Variants in HACL2 observed in about 807,000 individuals in gnomAD.
The protein encoded by HACL2 is 2-hydroxyacyl-CoA lyase 2.
At chr19:15,123,211 G>A in the HACL2 span, 3 of 1,613,892 alleles carry the variant, frequency 1.9e-6, no homozygotes, top group East Asian at 2.2e-5. This position sits in a 1 kb window ranked among gnomAD's most constrained non-coding sequence, Gnocchi z 5.1. Flanking sequence ...GTGAGGCCAG[G>A]GCCTGCTGTC....
chr19:15,119,437 T>G, the HACL2 span: 1 of 1,614,128 alleles, frequency 6.2e-7, no homozygotes, highest in East Asian at 2.2e-5. Context: ...TCGGCAGACG[T>G]TGGGGTGAGC....
the HACL2 span, chr19:15,125,041 C>G: frequency 1.5e-5 from 24 of 1,557,156 alleles, no homozygotes; most frequent in African/African-American, 3.3e-4. Context: ...GCGGGGGCGG[C>G]GGCCGCGGGG....
the HACL2 span, chr19:15,115,629 G>C: frequency 1.2e-6 from 2 of 1,613,956 alleles, no homozygotes; most frequent in Non-Finnish European, 1.7e-6. Flanking sequence ...CGAGAAATCT[G>C]TGTCCAGCCA....
chr19:15,125,012 G>A, the HACL2 span: 12 of 1,587,340 alleles, frequency 7.6e-6, no homozygotes, highest in South Asian at 1.0e-4. Flanking sequence ...GGAGCAGGAA[G>A]GAGGGGAATA....
chr19:15,115,523 G>C, the HACL2 span: 14 of 1,602,482 alleles, frequency 8.7e-6, no homozygotes, highest in Non-Finnish European at 9.4e-6. Context: ...AGCTGGGACT[G>C]AAACAGCCTC....
the HACL2 span, among the ~76,000 whole-genome samples, chr19:15,120,806 G>T: frequency 1.3e-5 from 2 of 152,238 alleles, no homozygotes; most frequent in Middle Eastern, 6.8e-3. Context: ...GGGAAGCCCC[G>T]CAAGTAAAGA....
At chr19:15,122,768 T>C in the HACL2 span, 1 of 1,613,796 alleles carries the variant, frequency 6.2e-7, no homozygotes, top group South Asian at 1.1e-5. This position sits in a 1 kb window ranked among gnomAD's most constrained non-coding sequence, Gnocchi z 4.0. Flanking sequence ...GAAGTAGGGG[T>C]ACAGCACGTC....
chr19:15,125,429 A>C, the HACL2 span: 1 of 223,180 alleles, frequency 4.5e-6, no homozygotes, highest in Non-Finnish European at 8.9e-6. Context: ...CCACAACCGG[A>C]CCCCAAATCT....
the HACL2 span, chr19:15,123,679 G>A: frequency 4.6e-4 from 476 of 1,034,342 alleles, 6 homozygotes; most frequent in South Asian, 5.0e-3. This position sits in a 1 kb window ranked among gnomAD's most constrained non-coding sequence, Gnocchi z 5.1. Flanking sequence ...CAGGAGCAGG[G>A]TGAGAGGTCA....
the HACL2 span, chr19:15,115,843 C>G: frequency 6.2e-7 from 1 of 1,613,876 alleles, no homozygotes; most frequent in African/African-American, 1.3e-5. Flanking sequence ...CAGGCCAGCC[C>G]AGTCACCTTG....
the HACL2 span, chr19:15,117,066 C>T: frequency 1.1e-4 from 18 of 166,328 alleles, no homozygotes; most frequent in Admixed American, 7.4e-4. Context: ...CCACCCAGCC[C>T]CCTTCCGGCC....
At chr19:15,121,369 C>A in the HACL2 span, among the ~76,000 whole-genome samples, 1 of 152,200 alleles carries the variant, frequency 6.6e-6, no homozygotes, top group Non-Finnish European at 1.5e-5. Context: ...ACTGATGATG[C>A]CCCGTGCCTG....
At chr19:15,119,353 C>G in the HACL2 span, 14 of 1,608,040 alleles carry the variant, frequency 8.7e-6, no homozygotes, top group African/African-American at 1.3e-5. Flanking sequence ...CTCCCGCCTC[C>G]CCAAGAGCAC....
the HACL2 span, chr19:15,124,993 C>A: frequency 6.2e-7 from 1 of 1,600,406 alleles, no homozygotes; most frequent in Non-Finnish European, 8.5e-7. Flanking sequence ...ACCAGCGTCC[C>A]GCAGGCCAGG....
chr19:15,122,198 C>T, the HACL2 span, among the ~76,000 whole-genome samples: 1 of 151,018 alleles, frequency 6.6e-6, no homozygotes, highest in Non-Finnish European at 1.5e-5. This position sits in a 1 kb window ranked among gnomAD's most constrained non-coding sequence, Gnocchi z 4.0. Context: ...AGCCACCGCA[C>T]CCGGCCTGGG....
the HACL2 span, chr19:15,116,400 G>A: frequency 1.9e-6 from 3 of 1,613,834 alleles, no homozygotes; most frequent in Non-Finnish European, 2.5e-6. Flanking sequence ...ACTCCACCCA[G>A]GCCCCACCGA....
chr19:15,115,668 G>C, the HACL2 span: 1 of 1,613,104 alleles, frequency 6.2e-7, no homozygotes, highest in African/African-American at 1.3e-5. Context: ...GCCATCACTG[G>C]GATCTACAGG....
the HACL2 span, chr19:15,123,639 G>A: frequency 2.0e-6 from 3 of 1,506,890 alleles, no homozygotes; most frequent in East Asian, 2.3e-5. This position sits in a 1 kb window ranked among gnomAD's most constrained non-coding sequence, Gnocchi z 5.1. Context: ...GCTGGGAAAG[G>A]GGGCAATCCC....
the HACL2 span, chr19:15,124,995 CA>C: frequency 6.3e-7 from 1 of 1,599,308 alleles, no homozygotes; most frequent in Non-Finnish European, 8.5e-7. Context: ...CAGCGTCCCG[CA>C]GGCCAGGAGC....
Sources: gnomAD v4.1 joint callset for allele counts (sites outside exome capture counted in the v4.1 genomes callset) on GRCh38, gnomAD v4.1.1 for gene constraint, Gnocchi (gnomAD v3.1) non-coding constraint, MANE v1.5 for transcripts, NCBI Gene and HGNC (gene_info 2026-07-23, HGNC 2026-07-21) for gene names.